The following ENTR1 variants were observed in gnomAD, a reference collection of about 807,000 sequenced individuals.
ENTR1 encodes endosome associated trafficking regulator 1.
A neutral mutation model predicts 47.9 loss-of-function variants in ENTR1; 47 were observed. The ratio of observed to expected loss-of-function variants is 0.98; its 90% confidence interval spans 0.78 to 1.25. The LOEUF is 1.25. Among genes scored for constraint, ENTR1 ranks in the 50% most tolerant of loss-of-function variants. The pLI, the probability that ENTR1 is intolerant of heterozygous loss-of-function variation, is 0.00. For synonymous variants in ENTR1, 290 were observed against 245.8 expected (o/e 1.18, Z -1.68); for missense variants, 668 against 570.5 (o/e 1.17, Z -1.74).
At chr9:136,404,775 G>A in intron 7 of ENTR1, 82 bp from the exon 8 acceptor site, 3 of 1,447,558 alleles carry the variant, frequency 2.1e-6, no homozygotes, top group South Asian at 2.3e-5. Flanking sequence ...AACCCAGGGA[G>A]CAGGAGGGCA....
chr9:136,408,153 C>T (rs1834872215), intron 3 of ENTR1, among the ~76,000 whole-genome samples: 1 of 152,180 alleles, frequency 6.6e-6, no homozygotes, highest in Non-Finnish European at 1.5e-5. Context: ...CTTCTCCTTC[C>T]ACCCCTCGGC....
At chr9:136,407,619 C>A (rs978588453) in intron 4 of ENTR1, 58 bp from the exon 5 acceptor site, 2 of 1,497,602 alleles carry the variant, frequency 1.3e-6, no homozygotes, top group Non-Finnish European at 1.8e-6. Context: ...CGGAGCGCAT[C>A]TTCCTTTCTG....
chr9:136,404,876 G>A (rs531519899), intron 7 of ENTR1, 183 bp from the exon 8 acceptor site: 1 of 681,432 alleles, frequency 1.5e-6, no homozygotes, highest in South Asian at 1.8e-5. Context: ...TCATCGTGCA[G>A]TGTCTGTGCT....
Position 136,404,037 on chromosome 9 carries a change from T to A in ENTR1, c.1208+18A>T. 2 of 1,558,520 alleles carry A rather than the reference T, an allele frequency of 1.3e-6. No homozygotes were observed. Among genetic ancestry groups the A allele is most frequent in the Non-Finnish European group, 8.7e-7 (1 of 1,146,028 alleles). On this transcript the variant is annotated intron_variant, in intron 9 of 9. Coordinates refer to ENST00000357365, the MANE Select transcript of ENTR1 (RefSeq NM_001039707.2). ...CCCCTTTCCCCGCCAGGCTTCCCGG[T>A]GCCTCCCAGGCACTCACTTGATGGA...
intron 7 of ENTR1, 41 bp from the exon 8 acceptor site, chr9:136,404,734 T>C (rs1056873153): frequency 6.2e-7 from 1 of 1,603,702 alleles, no homozygotes; most frequent in Admixed American, 1.7e-5. Context: ...GCATCACTGA[T>C]GTCCTCACAT....
At chr9:136,402,998 A>AG (rs1226930523) in intron 9 of ENTR1, 111 bp from the exon 10 acceptor site, 1 of 246,152 alleles carries the variant, frequency 4.1e-6, no homozygotes, top group South Asian at 2.6e-5. Context: ...AGGGGTTCCA[A>AG]GGGGTAGGGA....
intron 2 of ENTR1, 90 bp from the exon 3 acceptor site, chr9:136,409,157 T>C (rs1320934196): frequency 2.8e-6 from 3 of 1,069,838 alleles, no homozygotes; most frequent in African/African-American, 3.1e-5. Flanking sequence ...GAGTCTCCAC[T>C]GCAGTGGTTC....
Position 136,402,781 on chromosome 9 carries a change from G to T in ENTR1, c.*7C>A, listed in dbSNP as rs1274740513. ...CGGAGCTTCATGCTGAGAACACCCA[G>T]GGGTCCTCAAGAGTCTTCCTCCTCG... On this transcript the variant is annotated 3_prime_UTR_variant, in exon 10 of 10. Transcript: ENST00000357365. The T allele has an allele frequency of 6.2e-7, 1 of 1,602,372 alleles. No individual in the cohort carries two copies. Among genetic ancestry groups the T allele is most frequent in the African/African-American group, 1.3e-5 (1 of 74,806 alleles).
rs754667192 is a variant in ENTR1 at position 136,409,058 on chromosome 9, T to C, written c.230A>G (p.Tyr77Cys). 3 of 1,613,870 alleles carry C rather than the reference T, an allele frequency of 1.9e-6. No homozygotes were observed. The highest frequency in any genetic ancestry group is 1.7e-4 in the Middle Eastern group (1 of 6,058). ...CTGCTTAGAACATTTCCCCTTTCCA[T>C]AGCCAAAATCTGCAAAGAAACAATG... ...LASVGDTDFG[Y>C]GKGKCSKQSP... Residue 77 changes from tyrosine to cysteine, a missense_variant, in exon 3 of 10, where the codon TAT becomes TGT. Transcript: ENST00000357365.
intron 9 of ENTR1, among the ~76,000 whole-genome samples, chr9:136,403,177 G>A (rs1208098965): frequency 1.1e-5 from 1 of 92,094 alleles, no homozygotes; most frequent in Non-Finnish European, 2.2e-5. Context: ...GGTGGGGAAG[G>A]AAGGGGAGGG....
chr9:136,407,442 CA>C lies in ENTR1; in HGVS notation c.521del (p.Leu174ArgfsTer59), dbSNP rs973706023. On this transcript the variant is annotated frameshift_variant, in exon 5 of 10. Coordinates refer to ENST00000357365, the MANE Select transcript of ENTR1 (RefSeq NM_001039707.2). LOFTEE classifies it high-confidence loss of function. ...FEDPTGAGDL[L>X]DEEEDEDTGW... is the part of the protein sequence containing the mutation. ...CGGTGTCCTCATCCTCCTCCTCATC[CA>C]GGAGGTCACCAGCCCCTGTCGGATC... 6.2e-7 allele frequency: 1 copy of C among 1,610,694 alleles called. No homozygotes were observed. Among genetic ancestry groups the C allele is most frequent in the Non-Finnish European group, 8.5e-7 (1 of 1,179,762 alleles).
chr9:136,407,182 T>A lies in ENTR1; in HGVS notation c.782A>T (p.Asp261Val). Residue 261 changes from aspartate (D) to valine (V), a missense_variant, in exon 5 of 10, where the codon GAC becomes GTC. Physicochemically the swap from Asp to Val is radical, Grantham distance 152. Coordinates refer to ENST00000357365, the MANE Select transcript of ENTR1 (RefSeq NM_001039707.2). Reference sequence around the variant, plus strand: ...TATCTGCAGCGTCCGCAGGTGCCTGTCTCCCAGAGACTCTCCATGAACCGC... The same window carrying A: ...TATCTGCAGCGTCCGCAGGTGCCTGACTCCCAGAGACTCTCCATGAACCGC... The part of the protein sequence containing the change: ...DFAVHGESLG[D>V]RHLRTLQISY... The A allele has an allele frequency of 1.9e-6, 3 of 1,607,884 alleles. No individual in the cohort carries two copies. In the African/African-American group the frequency reaches 4.0e-5, roughly 21 times the overall value.
rs534519962 is a variant in ENTR1 at position 136,402,963 on chromosome 9, G to A, written c.1209-76C>T. Reference sequence around the variant, plus strand: ...AACAGGGTTCTGGGGGGAGAAAGGGGAGGGGTTGGTAGGGGGAAAAAGGGA... The same window carrying A: ...AACAGGGTTCTGGGGGGAGAAAGGGAAGGGGTTGGTAGGGGGAAAAAGGGA... On this transcript the variant is annotated intron_variant, in intron 9 of 9. Coordinates refer to ENST00000357365, the MANE Select transcript of ENTR1 (RefSeq NM_001039707.2). 3.6e-5 allele frequency: 34 copies of A among 934,816 alleles called. No homozygotes were observed. The African/African-American group carries it at 4.5e-4, about 12-fold the overall frequency. 57.9% of individuals were successfully genotyped at this position (934,816 alleles called of 1,614,324 possible).
rs575988206 is a variant in ENTR1 at position 136,405,375 on chromosome 9, C to T, written c.894-173G>A. 332 of 585,998 alleles carry T rather than the reference C, an allele frequency of 5.7e-4. 1 individual carries two copies. The highest frequency in any genetic ancestry group is 8.9e-4 in the Non-Finnish European group (291 of 325,298). The allele number at this position is 585,998 out of a possible 1,614,324, so 36.3% of individuals were successfully genotyped here. On this transcript the variant is annotated intron_variant, in intron 6 of 9. Transcript: ENST00000357365. The stretch of plus-strand genomic sequence containing the variant: ...CCTGGACCTGTAGCCACCAGGCAGG[C>T]GTGCAGGGAGCGGCTCTCACAGCAC...
intron 5 of ENTR1, 37 bp from the exon 6 acceptor site, chr9:136,406,015 T>G: frequency 6.5e-7 from 1 of 1,530,046 alleles, no homozygotes; most frequent in Non-Finnish European, 8.9e-7. Context: ...AAAGTCAGCA[T>G]GTCTGGCTCA....
chr9:136,404,342 G>A, intron 8 of ENTR1, 148 bp from the exon 9 acceptor site: 1 of 1,056,810 alleles, frequency 9.5e-7, no homozygotes, highest in Non-Finnish European at 1.4e-6. Context: ...CTGGGACTGG[G>A]GGCCTAATGG....
Position 136,402,870 on chromosome 9 carries a change from G to C in ENTR1, c.1226C>G (p.Ala409Gly), listed in dbSNP as rs1295970567. The change falls in exon 10 of 10, where the codon GCT becomes GGT. Residue 409 changes from alanine (A) to glycine (G), a missense_variant. Ala to Gly is a moderately conservative substitution (Grantham distance 60, BLOSUM62 0). Coordinates refer to ENST00000357365, the MANE Select transcript of ENTR1 (RefSeq NM_001039707.2). Reference protein sequence around the residue: ...QASIKQLVSGAETLNLVAEIL... With the variant: ...QASIKQLVSGGETLNLVAEIL... ...TTCGGCAACAAGATTCAGTGTCTCAGCTCCGGAAACCAGTTGCCTGAAAAC... is the reference window on the plus strand; with the variant it reads ...TTCGGCAACAAGATTCAGTGTCTCACCTCCGGAAACCAGTTGCCTGAAAAC... 6.2e-7 allele frequency: 1 copy of C among 1,612,116 alleles called. No individual in the cohort carries two copies. Among genetic ancestry groups the C allele is most frequent in the Non-Finnish European group, 8.5e-7 (1 of 1,179,704 alleles).
rs892999207 is a variant in ENTR1 at position 136,402,178 on chromosome 9, T to A, written c.*610A>T. The stretch of plus-strand genomic sequence containing the variant: ...CAGAACCCCCAGCCAAAGAGGCACA[T>A]CTGGACAGCTTCACAGCACGGAACG... On this transcript the variant is annotated 3_prime_UTR_variant, in exon 10 of 10. Coordinates refer to ENST00000357365, the MANE Select transcript of ENTR1 (RefSeq NM_001039707.2). 6.5e-6 allele frequency: 1 copy of A among 152,996 alleles called. No individual in the cohort carries two copies. The highest frequency in any genetic ancestry group is 6.5e-5 in the Admixed American group (1 of 15,290). The allele number at this position is 152,996 out of a possible 1,614,324, so 9.5% of individuals were successfully genotyped here.
chr9:136,402,911 G>A (rs747435278), intron 9 of ENTR1, 24 bp from the exon 10 acceptor site: 3 of 1,517,608 alleles, frequency 2.0e-6, no homozygotes, highest in Admixed American at 1.8e-5. Flanking sequence ...TGGATATCAG[G>A]ATGGGTGGCA....
Sources: gnomAD v4.1 joint callset for allele counts (sites outside exome capture counted in the v4.1 genomes callset) on GRCh38, gnomAD v4.1.1 for gene constraint, MANE v1.5 for transcripts, NCBI Gene and HGNC (gene_info 2026-07-23, HGNC 2026-07-21) for gene names.